Variants in VAV2 observed in about 807,000 individuals in gnomAD.
The protein encoded by VAV2 is vav guanine nucleotide exchange factor 2.
A neutral mutation model predicts 132.5 loss-of-function variants in VAV2; 67 were observed. That is an observed-to-expected ratio of 0.51 (90% CI 0.42 to 0.62). The LOEUF (loss-of-function observed/expected upper bound fraction) is 0.62, where lower values mean the gene tolerates loss of function less well. Among genes scored for constraint, VAV2 ranks in the 20% least tolerant of loss-of-function variants. The pLI is 0.00. For synonymous variants in VAV2, 492 were observed against 443.5 expected (o/e 1.11, Z -1.37); for missense variants, 938 against 1,153.6 (o/e 0.81, Z 2.71).
In VAV2 at chr9:133,991,824, C is replaced by T. The variant is rs940232850; in HGVS notation, c.204+251G>A. Among the ~76,000 whole-genome samples, 1 of 151,044 alleles carries T rather than the reference C, an allele frequency of 6.6e-6. No individual in the cohort carries two copies. Among genetic ancestry groups the T allele is most frequent in the East Asian group, 1.9e-4 (1 of 5,174 alleles). On this transcript the variant is annotated intron_variant, in intron 1 of 29. Transcript: ENST00000371850. The surrounding 1 kb of genome is among the most constrained non-coding windows in gnomAD (Gnocchi z 4.8). ...CAGGCCGCGCAGACCGCGGAACCGG[C>T]GCACCAGAGCAGTGCCCGCGGGCGG...
intron 7 of VAV2, among the ~76,000 whole-genome samples, chr9:133,808,012 G>A (rs1375783421): frequency 6.6e-6 from 1 of 152,258 alleles, no homozygotes; most frequent in Non-Finnish European, 1.5e-5. Context: ...TCACCACGTG[G>A]CACAGAGAGC....
chr9:133,856,383 G>A (rs547814148), intron 3 of VAV2, among the ~76,000 whole-genome samples: 1 of 152,188 alleles, frequency 6.6e-6, no homozygotes, highest in African/African-American at 2.4e-5. Context: ...GCCCAGTGAG[G>A]AGCCAGGGTT....
At chr9:133,934,870 G>C (rs957397027) in intron 2 of VAV2, among the ~76,000 whole-genome samples, 1 of 152,214 alleles carries the variant, frequency 6.6e-6, no homozygotes. Context: ...CTGGTCTCTG[G>C]AGGGCCCTGA....
intron 1 of VAV2, among the ~76,000 whole-genome samples, chr9:133,964,072 T>TATAC (rs1564507886): frequency 7.5e-6 from 1 of 132,934 alleles, no homozygotes; most frequent in African/African-American, 2.7e-5. Context: ...TATATATAAA[T>TATAC]GAATAGGCCA....
At chr9:133,815,541 T>G (rs1835523426) in intron 4 of VAV2, among the ~76,000 whole-genome samples, 1 of 152,136 alleles carries the variant, frequency 6.6e-6, no homozygotes, top group Non-Finnish European at 1.5e-5. Context: ...TCAACGGTGT[T>G]GTGCGTTAGA....
rs758231886 is a variant in VAV2, at chr9:133,992,132, G to C, written c.147C>G (p.Asn49Lys). 3 of 1,594,992 alleles carry C rather than the reference G, an allele frequency of 1.9e-6. No individual in the cohort carries two copies. The highest frequency in any genetic ancestry group is 2.6e-6 in the Non-Finnish European group (3 of 1,171,364). ...TGAGGTCGATGGAGCCGGGGGAGAG[G>C]TTGTGCAGCAGCTGGCACAGAAGGA... ...DGVLLCQLLH[N>K]LSPGSIDLKD... The change falls in exon 1 of 30, where the codon AAC (asparagine) becomes AAG (lysine). Residue 49 changes from asparagine (N) to lysine (K), a missense_variant. By Grantham distance (94) the Asn-to-Lys change is moderately conservative. Coordinates refer to ENST00000371850, the MANE Select transcript of VAV2 (RefSeq NM_001134398.2). The surrounding 1 kb of genome is among the most constrained non-coding windows in gnomAD (Gnocchi z 5.5).
chr9:133,796,608 G>C lies in VAV2; in HGVS notation c.937-84C>G. On this transcript the variant is annotated intron_variant, in intron 10 of 29. Coordinates refer to ENST00000371850, the MANE Select transcript of VAV2 (RefSeq NM_001134398.2). ...CCTGTACCCCCGCCCACAGAGAGGGGAGACCTAAGCCCAGAACTCAGGCCC... is the reference window on the plus strand; with the variant it reads ...CCTGTACCCCCGCCCACAGAGAGGGCAGACCTAAGCCCAGAACTCAGGCCC... 7 of 1,288,392 alleles carry C rather than the reference G, an allele frequency of 5.4e-6. No individual in the cohort carries two copies. The South Asian group carries it at 9.4e-5, about 17-fold the overall frequency. The allele number at this position is 1,288,392 out of a possible 1,614,324, so 79.8% of individuals were successfully genotyped here.
rs965259828 is a variant in VAV2 at position 133,883,249 on chromosome 9, C to T, written c.322-21817G>A. ...CTCATTTCACGTTCCCCTAATCATGCGAAGAGCCCTGGTAATTGACAACGA... is the reference window on the plus strand; with the variant it reads ...CTCATTTCACGTTCCCCTAATCATGTGAAGAGCCCTGGTAATTGACAACGA... On this transcript the variant is annotated intron_variant, in intron 2 of 29. Transcript: ENST00000371850. This position sits in a 1 kb window ranked among gnomAD's most constrained non-coding sequence, Gnocchi z 4.2. Among the ~76,000 whole-genome samples, 2 of 152,206 alleles carry T rather than the reference C, an allele frequency of 1.3e-5. No individual in the cohort carries two copies. Among genetic ancestry groups the T allele is most frequent in the East Asian group, 1.9e-4 (1 of 5,198 alleles).
At chr9:133,913,562 G>A (rs140228737) in intron 2 of VAV2, among the ~76,000 whole-genome samples, 1 of 152,230 alleles carries the variant, frequency 6.6e-6, no homozygotes, top group African/African-American at 2.4e-5. Context: ...AAAACCAAAG[G>A]CAGAGCCTGC....
intron 2 of VAV2, among the ~76,000 whole-genome samples, chr9:133,910,823 C>CAA (rs60841450): frequency 0.025 from 2,516 of 100,094 alleles, 48 homozygotes; most frequent in Middle Eastern, 0.043. Flanking sequence ...GACTCGGTCT[C>CAA]AAAAAAAAAA....
chr9:133,943,849 C>T (rs564905585), intron 1 of VAV2, among the ~76,000 whole-genome samples: 12 of 152,366 alleles, frequency 7.9e-5, no homozygotes, highest in African/African-American at 2.6e-4. Context: ...GCCCATTCAT[C>T]GGCAGCCGCA....
chr9:133,811,169 A>C (rs1030382322), intron 5 of VAV2, among the ~76,000 whole-genome samples: 1 of 151,984 alleles, frequency 6.6e-6, no homozygotes, highest in Non-Finnish European at 1.5e-5. Context: ...GGGGAACAAA[A>C]CTCAGTCGAG....
At chr9:133,770,312 C>T (rs1279938291) in intron 27 of VAV2, 66 bp downstream of exon 27, 1 of 1,605,152 alleles carries the variant, frequency 6.2e-7, no homozygotes, top group African/African-American at 1.3e-5. Flanking sequence ...GATCTGAGCC[C>T]TGGGAAGTGG....
rs1843047845 is a variant in VAV2 at position 133,992,195 on chromosome 9, G to C, written c.84C>G (p.Ala28=). 1.3e-6 allele frequency: 2 copies of C among 1,597,832 alleles called. No individual in the cohort carries two copies. The highest frequency in any genetic ancestry group is 3.4e-5 in the Admixed American group (2 of 58,418). Residue 28 remains alanine (A), a synonymous_variant, in exon 1 of 30, where the codon GCC becomes GCG. Transcript: ENST00000371850. The surrounding 1 kb of genome is among the most constrained non-coding windows in gnomAD (Gnocchi z 5.5). ...GCGCCTGCGCCAGGTCGAAGACCAC[G>C]GCCGAGGGCCACACCACCCGGTGGT... ...PPNHRVVWPS[A]VVFDLAQALR...
At chr9:133,887,149 A>G (rs1048927851) in intron 2 of VAV2, among the ~76,000 whole-genome samples, 3 of 152,156 alleles carry the variant, frequency 2.0e-5, no homozygotes, top group Admixed American at 6.5e-5. Context: ...AGGGTGAGGT[A>G]GGGGCCATCT....
At chr9:133,979,726 AG>A (rs1842634702) in intron 1 of VAV2, among the ~76,000 whole-genome samples, 1 of 152,178 alleles carries the variant, frequency 6.6e-6, no homozygotes. Context: ...TGACTTTGCC[AG>A]GGCCCCGAGC....
At chr9:133,764,189 G>A (rs1414882591) in intron 29 of VAV2, 80 bp from the exon 30 acceptor site, 2 of 1,563,626 alleles carry the variant, frequency 1.3e-6, no homozygotes, top group Non-Finnish European at 1.8e-6. Context: ...TTGGGGTGAG[G>A]GCAAGTAGAG....
intron 1 of VAV2, among the ~76,000 whole-genome samples, chr9:133,965,083 C>CA (rs1291822033): frequency 6.6e-6 from 1 of 151,754 alleles, no homozygotes; most frequent in African/African-American, 2.4e-5. Flanking sequence ...AAAGCTCCAC[C>CA]AAAAAAACCT....
rs567585212 is a variant in VAV2 at position 133,935,486 on chromosome 9, C to T, written c.321+3617G>A. On this transcript the variant is annotated intron_variant, in intron 2 of 29. Coordinates refer to ENST00000371850, the MANE Select transcript of VAV2 (RefSeq NM_001134398.2). The surrounding 1 kb of genome is among the most constrained non-coding windows in gnomAD (Gnocchi z 5.2). The stretch of plus-strand genomic sequence containing the variant: ...TCTGACCCTTCCTCCCCTCTGTCCA[C>T]GGCAGGGACTGCAACAAATACGCCC... 6.6e-5 allele frequency among the ~76,000 whole-genome samples: 10 copies of T among 152,318 alleles called. No homozygotes were observed. The highest frequency in any genetic ancestry group is 2.4e-4 in the African/African-American group (10 of 41,574).
Sources: allele counts gnomAD v4.1 joint callset (sites outside exome capture counted in the v4.1 genomes callset), GRCh38; gene constraint gnomAD v4.1.1; non-coding constraint Gnocchi (gnomAD v3.1); transcripts MANE v1.5; gene names NCBI Gene and HGNC (gene_info 2026-07-23, HGNC 2026-07-21).